NRXN1: variants seen among roughly 807,000 people sequenced by gnomAD.
NRXN1 encodes neurexin 1, also known as neurexin-1.
A neutral mutation model predicts 150.9 loss-of-function variants in NRXN1; 39 were observed. The observed-to-expected ratio is 0.26, with a 90% CI of 0.20 to 0.34. The LOEUF (loss-of-function observed/expected upper bound fraction) is 0.34, where lower values mean the gene tolerates loss of function less well. Among genes scored for constraint, NRXN1 ranks in the 10% least tolerant of loss-of-function variants. The pLI is 1.00. For synonymous variants in NRXN1, 924 were observed against 757.0 expected (o/e 1.22, Z -3.62); for missense variants, 1,815 against 1,949.9 (o/e 0.93, Z 1.30).
intron 17 of NRXN1, among the ~76,000 whole-genome samples, chr2:50,266,573 AT>A (rs538174960): frequency 2.5e-4 from 13 of 51,110 alleles, no homozygotes; most frequent in Non-Finnish European, 5.6e-4. Flanking sequence ...ACACACACAC[AT>A]ATTTTCTTTC....
intron 17 of NRXN1, among the ~76,000 whole-genome samples, chr2:50,401,066 T>C (rs1305551150): frequency 6.6e-6 from 1 of 152,166 alleles, no homozygotes; most frequent in African/African-American, 2.4e-5. Flanking sequence ...GGTTAACCAA[T>C]GTAACATTTC....
At chr2:50,718,647 G>A (rs758049807) in intron 5 of NRXN1, among the ~76,000 whole-genome samples, 6 of 152,164 alleles carry the variant, frequency 3.9e-5, no homozygotes, top group Non-Finnish European at 8.8e-5. Flanking sequence ...AGGAAAATAA[G>A]AGCCCTTCTG....
intron 8 of NRXN1, among the ~76,000 whole-genome samples, chr2:50,582,168 T>A (rs1184192941): frequency 6.6e-6 from 1 of 152,136 alleles, no homozygotes; most frequent in Non-Finnish European, 1.5e-5. Flanking sequence ...CGCTATAAAT[T>A]GCAGCTTTGA....
At chr2:50,854,984 G>C (rs1675061959) in intron 5 of NRXN1, among the ~76,000 whole-genome samples, 1 of 151,896 alleles carries the variant, frequency 6.6e-6, no homozygotes, top group Non-Finnish European at 1.5e-5. Context: ...TGAATTATGT[G>C]CAGGGCCTGA....
chr2:50,124,695 T>C (rs1574043241), intron 18 of NRXN1, among the ~76,000 whole-genome samples: 1 of 152,294 alleles, frequency 6.6e-6, no homozygotes, highest in East Asian at 1.9e-4. Context: ...ATTTTGACTT[T>C]TCTAGAATGC....
At chr2:50,995,707 C>T (rs369192633) in intron 2 of NRXN1, among the ~76,000 whole-genome samples, 1 of 151,596 alleles carries the variant, frequency 6.6e-6, no homozygotes, top group African/African-American at 2.4e-5. Flanking sequence ...AAATAAATAG[C>T]ACCCCATCTA....
At chr2:50,006,810 T>A (rs1010552622) in intron 21 of NRXN1, among the ~76,000 whole-genome samples, 3 of 152,136 alleles carry the variant, frequency 2.0e-5, no homozygotes, top group African/African-American at 7.2e-5. Flanking sequence ...TCTGCAGGGA[T>A]AAATCATGTT....
intron 5 of NRXN1, among the ~76,000 whole-genome samples, chr2:50,811,260 T>C (rs1475787824): frequency 6.6e-6 from 1 of 152,168 alleles, no homozygotes; most frequent in Non-Finnish European, 1.5e-5. Context: ...CTAAGAACTT[T>C]TCCTAACTCA....
intron 21 of NRXN1, among the ~76,000 whole-genome samples, chr2:49,969,470 A>G (rs945620404): frequency 6.6e-6 from 1 of 152,092 alleles, no homozygotes; most frequent in African/African-American, 2.4e-5. Context: ...TTCTATGTAA[A>G]AGGTTTGATC....
intron 5 of NRXN1, among the ~76,000 whole-genome samples, chr2:50,826,607 GT>G (rs1392728524): frequency 6.6e-6 from 1 of 152,130 alleles, no homozygotes; most frequent in Non-Finnish European, 1.5e-5. Flanking sequence ...ATGTATGTTT[GT>G]GTTTTAAAGT....
chr2:50,388,680 T>G (rs1219445964), intron 17 of NRXN1, among the ~76,000 whole-genome samples: 1 of 152,142 alleles, frequency 6.6e-6, no homozygotes, highest in Non-Finnish European at 1.5e-5. Flanking sequence ...TTCAATTATA[T>G]TGAAATTCAG....
intron 8 of NRXN1, among the ~76,000 whole-genome samples, chr2:50,569,717 A>C (rs1670379470): frequency 6.6e-6 from 1 of 152,140 alleles, no homozygotes; most frequent in African/African-American, 2.4e-5. Flanking sequence ...GATGGATACT[A>C]ATTCTGCAGC....
rs556650183 is a variant in NRXN1 at position 50,722,894 on chromosome 2, A to G, written c.833-99279T>C. 1.2e-4 allele frequency among the ~76,000 whole-genome samples: 19 copies of G among 152,220 alleles called. No homozygotes were observed. In the South Asian group the frequency reaches 3.9e-3, roughly 32 times the overall value. ...CCTTGAATTTCCACTCAGTGTTCTGATATCATGCCAGATGTGGGATCTTGC... is the reference window on the plus strand; with the variant it reads ...CCTTGAATTTCCACTCAGTGTTCTGGTATCATGCCAGATGTGGGATCTTGC... On this transcript the variant is annotated intron_variant, in intron 5 of 22. Transcript: ENST00000401669.
chr2:50,434,059 T>C (rs2085213660), intron 17 of NRXN1, among the ~76,000 whole-genome samples: 3 of 135,326 alleles, frequency 2.2e-5, no homozygotes, highest in Admixed American at 7.4e-5. Flanking sequence ...TTTTTTTTTT[T>C]TTTTTTTTTT....
intron 18 of NRXN1, among the ~76,000 whole-genome samples, chr2:50,227,877 T>G (rs1379984152): frequency 1.1e-4 from 17 of 152,236 alleles, no homozygotes; most frequent in East Asian, 7.8e-4. Context: ...GAGCTGAATT[T>G]TAAAATGTAT....
intron 22 of NRXN1, among the ~76,000 whole-genome samples, chr2:49,932,335 C>T (rs1384264423): frequency 6.6e-6 from 1 of 152,132 alleles, no homozygotes; most frequent in Non-Finnish European, 1.5e-5. Flanking sequence ...GTGGGAGGAT[C>T]ACTTGAGCCC....
chr2:50,011,885 C>T (rs967393101), intron 21 of NRXN1, among the ~76,000 whole-genome samples: 3 of 151,934 alleles, frequency 2.0e-5, no homozygotes, highest in African/African-American at 7.2e-5. Context: ...AAAATTGAGG[C>T]TCAAACAAAT....
intron 17 of NRXN1, among the ~76,000 whole-genome samples, chr2:50,313,302 A>G (rs1350605235): frequency 6.6e-6 from 1 of 152,066 alleles, no homozygotes; most frequent in Non-Finnish European, 1.5e-5. Flanking sequence ...CGATTATACT[A>G]TTATGATTTG....
intron 5 of NRXN1, among the ~76,000 whole-genome samples, chr2:50,821,788 T>A (rs941601555): frequency 6.6e-6 from 1 of 152,062 alleles, no homozygotes; most frequent in Non-Finnish European, 1.5e-5. Flanking sequence ...TTACACTGAT[T>A]TAGCTCATAA....
Sources: gnomAD v4.1 joint callset for allele counts (sites outside exome capture counted in the v4.1 genomes callset) on GRCh38, gnomAD v4.1.1 for gene constraint, MANE v1.5 for transcripts, NCBI Gene and HGNC (gene_info 2026-07-23, HGNC 2026-07-21) for gene names.